The following UBE4B variants were observed in gnomAD, a reference collection of about 807,000 sequenced individuals.
UBE4B encodes ubiquitination factor E4B.
A neutral mutation model predicts 148.1 loss-of-function variants in UBE4B; 27 were observed. The observed-to-expected ratio is 0.18, with a 90% CI of 0.13 to 0.25. The LOEUF (loss-of-function observed/expected upper bound fraction) is 0.25. UBE4B is among the 10% of genes least tolerant of loss of function. The probability of loss-of-function intolerance (pLI) is 1.00; values close to 1 mark genes in which losing one functional copy is unlikely to be tolerated. For synonymous variants in UBE4B, 596 were observed against 619.3 expected (o/e 0.96, Z 0.56); for missense variants, 1,170 against 1,662.4 (o/e 0.70, Z 5.15).
intron 1 of UBE4B, among the ~76,000 whole-genome samples, chr1:10,047,678 G>C (rs1259973976): frequency 1.3e-5 from 2 of 151,812 alleles, no homozygotes; most frequent in Admixed American, 6.6e-5. Context: ...ATTTTTAGTA[G>C]AGATGGGGTT....
chr1:10,126,778 G>GT lies in UBE4B; in HGVS notation c.1555-8dup, dbSNP rs762171599. The GT allele has an allele frequency of 2.6e-5, 42 of 1,598,870 alleles. No homozygotes were observed. The highest frequency in any genetic ancestry group is 9.9e-5 in the South Asian group (9 of 90,536). ...CTCTTAAACTTATATTTCTGATTTTGTTTTTTTTCTTATAGATATTTATCC... is the reference window on the plus strand; with the variant it reads ...CTCTTAAACTTATATTTCTGATTTTGTTTTTTTTTCTTATAGATATTTATCC... On this transcript the variant is annotated splice_polypyrimidine_tract_variant and intron_variant, in intron 10 of 27. Coordinates refer to ENST00000343090, the MANE Select transcript of UBE4B (RefSeq NM_001105562.3).
chr1:10,112,956 T>TC (rs1437889818), intron 7 of UBE4B, among the ~76,000 whole-genome samples: 1 of 152,140 alleles, frequency 6.6e-6, no homozygotes, highest in Non-Finnish European at 1.5e-5. Context: ...TTTGTTTAAC[T>TC]CCCCCCATCT....
At chr1:10,114,370 A>G (rs1458341125) in intron 7 of UBE4B, among the ~76,000 whole-genome samples, 1 of 152,176 alleles carries the variant, frequency 6.6e-6, no homozygotes, top group Non-Finnish European at 1.5e-5. Flanking sequence ...AATTGCTACA[A>G]GCAAAGATAG....
intron 1 of UBE4B, among the ~76,000 whole-genome samples, chr1:10,055,289 T>C (rs2101801440): frequency 6.6e-6 from 1 of 152,088 alleles, no homozygotes; most frequent in Non-Finnish European, 1.5e-5. Context: ...TTTTCTTTTC[T>C]TTTCTTTTCT....
intron 1 of UBE4B, among the ~76,000 whole-genome samples, chr1:10,044,252 C>T (rs562758271): frequency 1.3e-5 from 2 of 151,990 alleles, no homozygotes; most frequent in Admixed American, 6.6e-5. Context: ...CGGGGTTTTA[C>T]TCTTGTTGTC....
At chr1:10,166,965 AC>A (rs1646258636) in intron 23 of UBE4B, among the ~76,000 whole-genome samples, 1 of 133,664 alleles carries the variant, frequency 7.5e-6, no homozygotes, top group African/African-American at 3.1e-5. Flanking sequence ...ACACACACAC[AC>A]ACACAAAAAA....
At chr1:10,127,153 T>A (rs561135716) in intron 11 of UBE4B, among the ~76,000 whole-genome samples, 1 of 152,234 alleles carries the variant, frequency 6.6e-6, no homozygotes, top group South Asian at 2.1e-4. Context: ...AAAAGATAAC[T>A]TATCTCCTAG....
At chr1:10,096,215 T>G (rs749787384) in intron 3 of UBE4B, among the ~76,000 whole-genome samples, 1 of 152,202 alleles carries the variant, frequency 6.6e-6, no homozygotes, top group Non-Finnish European at 1.5e-5. Context: ...TTTAAAAGTT[T>G]GGAATATTTC....
At chr1:10,109,219 G>A (rs1347199408) in intron 7 of UBE4B, among the ~76,000 whole-genome samples, 2 of 151,986 alleles carry the variant, frequency 1.3e-5, no homozygotes, top group Non-Finnish European at 2.9e-5. Flanking sequence ...GGGGCCGGGG[G>A]GACAGACAAG....
chr1:10,165,444 A>T (rs1302395685), intron 23 of UBE4B, among the ~76,000 whole-genome samples: 2 of 152,136 alleles, frequency 1.3e-5, no homozygotes, highest in African/African-American at 4.8e-5. Context: ...GAGCATGTCC[A>T]TATCAGGGAT....
chr1:10,137,835 G>T (rs909709712), intron 17 of UBE4B, among the ~76,000 whole-genome samples: 4 of 148,918 alleles, frequency 2.7e-5, no homozygotes, highest in Non-Finnish European at 5.9e-5. Context: ...CTGCTTTTTG[G>T]TCTAGAACCT....
Position 10,105,690 on chromosome 1 carries a change from G to C in UBE4B, c.755G>C (p.Gly252Ala). Residue 252 changes from glycine (G) to alanine (A), a missense_variant, in exon 6 of 28, where the codon GGA becomes GCA. Transcript: ENST00000343090. Reference sequence around the variant, plus strand: ...TTGCTAAACACTGGCTCCAATCCAGGAACAAGCCCCATGTTCTGCAGCGTG... The same window carrying C: ...TTGCTAAACACTGGCTCCAATCCAGCAACAAGCCCCATGTTCTGCAGCGTG... ...NLLLNTGSNP[G>A]TSPMFCSVAS... The C allele has an allele frequency of 1.9e-6, 3 of 1,614,172 alleles. No individual in the cohort carries two copies. Among genetic ancestry groups the C allele is most frequent in the Non-Finnish European group, 1.7e-6 (2 of 1,180,040 alleles).
chr1:10,163,095 G>A (rs1646191963), intron 23 of UBE4B, among the ~76,000 whole-genome samples: 1 of 151,336 alleles, frequency 6.6e-6, no homozygotes, highest in South Asian at 2.1e-4. Flanking sequence ...GTGTTGATCT[G>A]TCGCCTTGGC....
rs774839148 is a variant in UBE4B at position 10,098,871 on chromosome 1, T to C, written c.348-2237T>C. Among the ~76,000 whole-genome samples the C allele has an allele frequency of 6.6e-5, 10 of 152,218 alleles. No individual in the cohort carries two copies. In the South Asian group the frequency reaches 8.3e-4, roughly 13 times the overall value. On this transcript the variant is annotated intron_variant, in intron 3 of 27. Transcript: ENST00000343090. ...GAACAAGGATGACTGCTATTTCTTC[T>C]TGTATTTAGCAGTGCAGTAAAACAA... is the stretch of plus-strand genomic sequence containing the variant.
chr1:10,135,305 A>G, intron 16 of UBE4B, 119 bp downstream of exon 16: 2 of 1,047,796 alleles, frequency 1.9e-6, no homozygotes, highest in Non-Finnish European at 2.8e-6. Context: ...AGAGAAACAT[A>G]ATAAAAATTA....
Position 10,106,636 on chromosome 1 carries a change from A to T in UBE4B, c.1196+53A>T. 1 of 1,484,124 alleles carries T rather than the reference A, an allele frequency of 6.7e-7. No homozygotes were observed. Among genetic ancestry groups the T allele is most frequent in the Non-Finnish European group, 8.9e-7 (1 of 1,125,742 alleles). The allele number at this position is 1,484,124 out of a possible 1,614,324, so 91.9% of individuals were successfully genotyped here. A position where few individuals can be genotyped will look rare whatever the true frequency, so the allele number is the denominator to read the frequency against. Reference sequence around the variant, plus strand: ...TGTGTTTGCGGTGCAGGGAAAGGAGATTAACACGGTTTGGAAGAAGTGCTG... The same window carrying T: ...TGTGTTTGCGGTGCAGGGAAAGGAGTTTAACACGGTTTGGAAGAAGTGCTG... On this transcript the variant is annotated intron_variant, in intron 7 of 27. Coordinates refer to ENST00000343090, the MANE Select transcript of UBE4B (RefSeq NM_001105562.3). This position sits in a 1 kb window ranked among gnomAD's most constrained non-coding sequence, Gnocchi z 4.2.
chr1:10,047,098 C>T (rs1643928053), intron 1 of UBE4B, among the ~76,000 whole-genome samples: 1 of 152,206 alleles, frequency 6.6e-6, no homozygotes, highest in Non-Finnish European at 1.5e-5. Flanking sequence ...CCTACAGTAT[C>T]TGTGCCCATG....
At chr1:10,120,258 C>T (rs1217388854) in intron 9 of UBE4B, among the ~76,000 whole-genome samples, 1 of 152,218 alleles carries the variant, frequency 6.6e-6, no homozygotes, top group Non-Finnish European at 1.5e-5. Context: ...TGGTGGCTCA[C>T]ACCTGTAATC....
intron 7 of UBE4B, among the ~76,000 whole-genome samples, chr1:10,114,672 C>T (rs1404650808): frequency 2.6e-5 from 4 of 151,944 alleles, no homozygotes; most frequent in African/African-American, 7.3e-5. Flanking sequence ...GAGACTATCC[C>T]GGCCAACATG....
Sources: gnomAD v4.1 joint callset for allele counts (sites outside exome capture counted in the v4.1 genomes callset) on GRCh38, gnomAD v4.1.1 for gene constraint, Gnocchi (gnomAD v3.1) non-coding constraint, MANE v1.5 for transcripts, NCBI Gene and HGNC (gene_info 2026-07-23, HGNC 2026-07-21) for gene names.